IFFO2: variants seen among roughly 807,000 people sequenced by gnomAD.
IFFO2 encodes the protein intermediate filament family orphan 2.
IFFO2 carries 19 observed loss-of-function variants against 53.5 expected under a neutral mutation model. The observed-to-expected ratio is 0.36, with a 90% confidence interval of 0.25 to 0.52. IFFO2 has a LOEUF of 0.52. Among genes scored for constraint, IFFO2 ranks in the 20% least tolerant of loss-of-function variants. The pLI, the probability that IFFO2 is intolerant of heterozygous loss-of-function variation, is 0.94. For missense variants in IFFO2, 570 were observed against 727.4 expected, an observed-to-expected ratio of 0.78 and a Z score of 2.49; for synonymous variants, 303 against 313.6, an observed-to-expected ratio of 0.97 and a Z score of 0.36.
chr1:18,913,827 TTTTG>T (rs200901048), intron 5 of IFFO2, among the ~76,000 whole-genome samples: 2,042 of 148,060 alleles, frequency 0.014, 45 homozygotes, highest in East Asian at 0.08. Context: ...GTTGTTGTTT[TTTTG>T]TTTGTTTGTT....
chr1:18,944,007 GC>G (rs1473816784), intron 1 of IFFO2, among the ~76,000 whole-genome samples: 1 of 152,214 alleles, frequency 6.6e-6, no homozygotes, highest in Admixed American at 6.5e-5. Context: ...CCCAGAGGGA[GC>G]CCTGAGCTCA....
chr1:18,947,651 CCCCTGCCAG>C lies in IFFO2; in HGVS notation c.665+8008_665+8016del, dbSNP rs1256347740. Among the ~76,000 whole-genome samples, 1 of 152,206 alleles carries C rather than the reference CCCCTGCCAG, an allele frequency of 6.6e-6. No individual in the cohort carries two copies. ...ATGTGTTCCCTGTTCCCCAACTCCT[CCCCTGCCAG>C]CCCTGCCAGCCCCCATTGAGACCTT... On this transcript the variant is annotated intron_variant, in intron 1 of 8. Transcript: ENST00000455833. This position sits in a 1 kb window ranked among gnomAD's most constrained non-coding sequence, Gnocchi z 5.0.
rs768350729 is a variant in IFFO2 at position 18,932,147 on chromosome 1, T to C, written c.666-11026A>G. On this transcript the variant is annotated intron_variant, in intron 1 of 8. Transcript: ENST00000455833. ...ACGCTCCCGGGCAAGTGATTTCCAA[T>C]CCCTAAGCCTCCCCATTTGGTCATC... 7.2e-5 allele frequency among the ~76,000 whole-genome samples: 11 copies of C among 152,240 alleles called. No homozygotes were observed. In the Middle Eastern group the frequency reaches 0.01, roughly 141 times the overall value.
At chr1:18,926,938 G>C (rs1002650914) in intron 1 of IFFO2, among the ~76,000 whole-genome samples, 28 of 152,146 alleles carry the variant, frequency 1.8e-4, no homozygotes, top group Admixed American at 1.8e-3. Flanking sequence ...AGCCCTCCAG[G>C]GACGAACCTG....
At chr1:18,955,578 C>A (rs1280038509) in intron 1 of IFFO2, 90 bp downstream of exon 1, 5 of 1,453,598 alleles carry the variant, frequency 3.4e-6, no homozygotes, top group East Asian at 2.9e-5. Context: ...TACCAGCTGC[C>A]CGCCCGGCCC....
chr1:18,931,373 G>A (rs1441072577), intron 1 of IFFO2, among the ~76,000 whole-genome samples: 2 of 152,152 alleles, frequency 1.3e-5, no homozygotes, highest in African/African-American at 4.8e-5. Context: ...GGAAAAATCT[G>A]CATCACAAAT....
At chr1:18,944,619 G>A (rs116571282) in intron 1 of IFFO2, among the ~76,000 whole-genome samples, 1,725 of 152,270 alleles carry the variant, frequency 0.011, 37 homozygotes, top group African/African-American at 0.039. Flanking sequence ...TGCAGGGCCC[G>A]CCACAGGCAG....
rs1935917578 is a variant in IFFO2, at chr1:18,904,533, G to T, written c.*4028C>A. 6.6e-6 allele frequency: 1 copy of T among 152,170 alleles called. No individual in the cohort carries two copies. Among genetic ancestry groups the T allele is most frequent in the South Asian group, 2.1e-4 (1 of 4,824 alleles). 9.4% of individuals were successfully genotyped at this position (152,170 alleles called of 1,614,324 possible). On this transcript the variant is annotated 3_prime_UTR_variant, in exon 9 of 9. Transcript: ENST00000455833. Reference sequence around the variant, plus strand: ...GGTAGATGCAAAAACATCCACAAGGGGTCTTGCAGGGAAGGGCTTTGCCTC... The same window carrying T: ...GGTAGATGCAAAAACATCCACAAGGTGTCTTGCAGGGAAGGGCTTTGCCTC...
rs140408676 is a variant in IFFO2, at chr1:18,934,519, C to A, written c.666-13398G>T. On this transcript the variant is annotated intron_variant, in intron 1 of 8. Transcript: ENST00000455833. ...CAAAACCACTTAAATTTTTAAAAGA[C>A]AAAAATACCTGCTCGTTTTCCCCTT... Among the ~76,000 whole-genome samples the A allele has an allele frequency of 1.1e-4, 16 of 152,192 alleles. No homozygotes were observed. In the East Asian group the frequency reaches 3.1e-3, roughly 29 times the overall value.
chr1:18,949,922 G>A lies in IFFO2; in HGVS notation c.665+5746C>T, dbSNP rs370068801. Among the ~76,000 whole-genome samples the A allele has an allele frequency of 3.9e-5, 6 of 152,374 alleles. No homozygotes were observed. The South Asian group carries it at 1.0e-3, about 26-fold the overall frequency. ...CTCTGAGAAGGAATCTTCAGCGTCA[G>A]CTGTCTCCCTGCTTCCTTTTCTTTT... On this transcript the variant is annotated intron_variant, in intron 1 of 8. Transcript: ENST00000455833.
chr1:18,911,239 C>T (rs1220006032), intron 7 of IFFO2, 145 bp downstream of exon 7: 1 of 413,770 alleles, frequency 2.4e-6, no homozygotes, highest in Non-Finnish European at 4.3e-6. Context: ...ACATTACTCG[C>T]CCCGAGGCCT....
At chr1:18,921,574 G>A (rs912132833) in intron 1 of IFFO2, among the ~76,000 whole-genome samples, 1 of 152,174 alleles carries the variant, frequency 6.6e-6, no homozygotes, top group Admixed American at 6.5e-5. Context: ...TAAGCATTGC[G>A]ATGCCCGACA....
rs1446460505 is a variant in IFFO2, at chr1:18,904,512, G to A, written c.*4049C>T. On this transcript the variant is annotated 3_prime_UTR_variant, in exon 9 of 9. Transcript: ENST00000455833. ...CCTGGGTGGGGCTAAAAATCAGGTA[G>A]ATGCAAAAACATCCACAAGGGGTCT... 1 of 152,138 alleles carries A rather than the reference G, an allele frequency of 6.6e-6. No individual in the cohort carries two copies. Among genetic ancestry groups the A allele is most frequent in the Non-Finnish European group, 1.5e-5 (1 of 68,016 alleles). 9.4% of individuals were successfully genotyped at this position (152,138 alleles called of 1,614,324 possible).
At chr1:18,924,702 C>T (rs1936258397) in intron 1 of IFFO2, among the ~76,000 whole-genome samples, 1 of 152,224 alleles carries the variant, frequency 6.6e-6, no homozygotes, top group South Asian at 2.1e-4. Context: ...CTGGAGTGAA[C>T]ATAAAGAGAT....
At chr1:18,948,665 C>T (rs2148190928) in intron 1 of IFFO2, among the ~76,000 whole-genome samples, 1 of 152,342 alleles carries the variant, frequency 6.6e-6, no homozygotes, top group South Asian at 2.1e-4. Context: ...TCCCATCTGG[C>T]CTGGAATTTT....
chr1:18,933,266 G>A (rs868635298), intron 1 of IFFO2, among the ~76,000 whole-genome samples: 4 of 152,238 alleles, frequency 2.6e-5, no homozygotes, highest in African/African-American at 9.6e-5. Context: ...AGGGATGGAA[G>A]GGAATGCTCA....
In IFFO2 at chr1:18,919,904, G is replaced by A. The variant is rs766633066; in HGVS notation, c.727-131C>T. ...CTGGGCACCTGCAGCCAGGGAAGGG[G>A]CACCAAGGACCTCATCCCAGCCTGA... On this transcript the variant is annotated intron_variant, in intron 2 of 8. Coordinates refer to ENST00000455833, the MANE Select transcript of IFFO2 (RefSeq NM_001136265.2). The surrounding 1 kb of genome is among the most constrained non-coding windows in gnomAD (Gnocchi z 4.9). 79 of 631,946 alleles carry A rather than the reference G, an allele frequency of 1.3e-4. No homozygotes were observed. Among genetic ancestry groups the A allele is most frequent in the Non-Finnish European group, 1.9e-4 (67 of 356,258 alleles). 39.1% of individuals were successfully genotyped at this position (631,946 alleles called of 1,614,324 possible). A position where few individuals can be genotyped will look rare whatever the true frequency, so the allele number is the denominator to read the frequency against.
Position 18,916,259 on chromosome 1 carries a change from C to T in IFFO2, c.1103+644G>A, listed in dbSNP as rs1405534059. ...TCATGGGCAAGAACACCCCTTCTCC[C>T]ACCGCTTTTTTGGAGGAAGCTTTCG... On this transcript the variant is annotated intron_variant, in intron 5 of 8. Coordinates refer to ENST00000455833, the MANE Select transcript of IFFO2 (RefSeq NM_001136265.2). The surrounding 1 kb of genome is among the most constrained non-coding windows in gnomAD (Gnocchi z 4.3). 1.3e-5 allele frequency among the ~76,000 whole-genome samples: 2 copies of T among 152,176 alleles called. No homozygotes were observed. The highest frequency in any genetic ancestry group is 2.9e-5 in the Non-Finnish European group (2 of 68,038).
intron 8 of IFFO2, among the ~76,000 whole-genome samples, chr1:18,909,786 C>T (rs746549206): frequency 6.6e-5 from 10 of 151,690 alleles, no homozygotes; most frequent in African/African-American, 9.7e-5. Flanking sequence ...TTTTTTGAGA[C>T]GGGGTCTTGC....
Sources: gnomAD v4.1 joint callset for allele counts (sites outside exome capture counted in the v4.1 genomes callset) on GRCh38, gnomAD v4.1.1 for gene constraint, Gnocchi (gnomAD v3.1) non-coding constraint, MANE v1.5 for transcripts, NCBI Gene and HGNC (gene_info 2026-07-23, HGNC 2026-07-21) for gene names.